The following FAM171B variants were observed in gnomAD, a reference collection of about 807,000 sequenced individuals.
The protein encoded by FAM171B is protein FAM171B.
A neutral mutation model predicts 75.6 loss-of-function variants in FAM171B; 19 were observed. The ratio of observed to expected loss-of-function variants is 0.25; its 90% CI spans 0.18 to 0.37. FAM171B has a LOEUF of 0.37. Among genes scored for constraint, FAM171B ranks in the 10% least tolerant of loss-of-function variants. The pLI is 1.00. For missense variants in FAM171B, 848 were observed against 982.4 expected, an observed-to-expected ratio of 0.86 and a Z score of 1.83; for synonymous variants, 367 against 361.7, an observed-to-expected ratio of 1.01 and a Z score of -0.17.
At chr2:186,738,021 G>T (rs1213306379) in intron 1 of FAM171B, among the ~76,000 whole-genome samples, 1 of 152,212 alleles carries the variant, frequency 6.6e-6, no homozygotes, top group Admixed American at 6.5e-5. Context: ...CGGCTTCTGT[G>T]TTGGGTGCTG....
chr2:186,749,780 T>C (rs1308649470), intron 4 of FAM171B, among the ~76,000 whole-genome samples: 1 of 152,172 alleles, frequency 6.6e-6, no homozygotes, highest in East Asian at 1.9e-4. Context: ...GCTTTGGACT[T>C]GTTTATTCTG....
chr2:186,735,588 C>T lies in FAM171B; in HGVS notation c.239-4640C>T, dbSNP rs375191835. The stretch of plus-strand genomic sequence containing the variant: ...TGAGGAAGGGCTATTATTATTTAAA[C>T]TATAAACTAAATGTCTCTCAATGCT... On this transcript the variant is annotated intron_variant, in intron 1 of 7. Transcript: ENST00000304698. Among the ~76,000 whole-genome samples the T allele has an allele frequency of 2.8e-3, 425 of 152,248 alleles. 1 individual carries two copies. The highest frequency in any genetic ancestry group is 9.8e-3 in the African/African-American group (409 of 41,532).
chr2:186,722,842 C>G (rs908863254), intron 1 of FAM171B, among the ~76,000 whole-genome samples: 2 of 152,096 alleles, frequency 1.3e-5, no homozygotes, highest in African/African-American at 4.8e-5. Context: ...CCCCATTTCC[C>G]CTGGCTTGGA....
chr2:186,753,161 T>C (rs1332053663), intron 5 of FAM171B, among the ~76,000 whole-genome samples: 1 of 152,182 alleles, frequency 6.6e-6, no homozygotes, highest in African/African-American at 2.4e-5. Flanking sequence ...ATTATTATTT[T>C]TTTTCAAGAC....
chr2:186,750,200 T>C (rs889158990), intron 4 of FAM171B, among the ~76,000 whole-genome samples: 2 of 152,228 alleles, frequency 1.3e-5, no homozygotes, highest in Admixed American at 6.5e-5. Context: ...TTAACATCTG[T>C]AATAGTTTTA....
chr2:186,751,026 T>C, intron 4 of FAM171B, 108 bp from the exon 5 acceptor site: 1 of 801,160 alleles, frequency 1.2e-6, no homozygotes, highest in South Asian at 2.6e-5. Flanking sequence ...GATATTAAAA[T>C]AGATAACCCT....
intron 6 of FAM171B, among the ~76,000 whole-genome samples, chr2:186,760,532 T>A (rs1690598915): frequency 6.6e-6 from 1 of 152,164 alleles, no homozygotes; most frequent in African/African-American, 2.4e-5. Flanking sequence ...TTTTACCAAT[T>A]TTTTTGTTAC....
chr2:186,723,381 T>A (rs1689983604), intron 1 of FAM171B, among the ~76,000 whole-genome samples: 1 of 152,240 alleles, frequency 6.6e-6, no homozygotes, highest in African/African-American at 2.4e-5. Context: ...AGAAATAGTC[T>A]GTGTGAAATA....
intron 6 of FAM171B, among the ~76,000 whole-genome samples, chr2:186,760,384 CT>C (rs969244038): frequency 7.2e-5 from 11 of 152,004 alleles, no homozygotes; most frequent in Non-Finnish European, 1.3e-4. Context: ...TTGGTAAATC[CT>C]TTTTTTGAAT....
intron 1 of FAM171B, among the ~76,000 whole-genome samples, chr2:186,719,925 A>T (rs1689927913): frequency 6.6e-6 from 1 of 152,278 alleles, no homozygotes; most frequent in South Asian, 2.1e-4. Context: ...ATAAGAAAAT[A>T]GTTAATAATA....
chr2:186,743,427 C>T (rs771319738), intron 2 of FAM171B, 56 bp from the exon 3 acceptor site: 267 of 1,221,624 alleles, frequency 2.2e-4, no homozygotes, highest in Non-Finnish European at 2.6e-4. Flanking sequence ...TATATTTGTC[C>T]TAGTTTTTTT....
intron 6 of FAM171B, among the ~76,000 whole-genome samples, chr2:186,757,564 A>G (rs892644269): frequency 6.6e-6 from 1 of 152,186 alleles, no homozygotes; most frequent in Non-Finnish European, 1.5e-5. Context: ...TTTAAATAGA[A>G]TTCTAGAATT....
chr2:186,708,285 A>G (rs1316259955), intron 1 of FAM171B, among the ~76,000 whole-genome samples: 2 of 152,206 alleles, frequency 1.3e-5, no homozygotes, highest in Non-Finnish European at 2.9e-5. Context: ...TGCAAATTTA[A>G]CACATCATAT....
intron 1 of FAM171B, among the ~76,000 whole-genome samples, chr2:186,697,925 T>C (rs1301662144): frequency 6.6e-6 from 1 of 152,204 alleles, no homozygotes; most frequent in East Asian, 1.9e-4. Context: ...AAAAGTACAT[T>C]TCCATTTTCT....
intron 4 of FAM171B, among the ~76,000 whole-genome samples, chr2:186,750,365 T>C (rs2105789510): frequency 6.6e-6 from 1 of 152,334 alleles, no homozygotes; most frequent in Non-Finnish European, 1.5e-5. Context: ...CTGTAAATTG[T>C]ATTAGTAAAT....
intron 1 of FAM171B, among the ~76,000 whole-genome samples, chr2:186,713,511 A>C (rs2105775823): frequency 6.6e-6 from 1 of 152,282 alleles, no homozygotes; most frequent in African/African-American, 2.4e-5. Flanking sequence ...AGAAGTACAA[A>C]CCTTTTATTT....
intron 2 of FAM171B, among the ~76,000 whole-genome samples, chr2:186,741,060 T>G (rs1690282152): frequency 6.6e-6 from 1 of 152,192 alleles, no homozygotes; most frequent in Non-Finnish European, 1.5e-5. Context: ...GAGTGAGTGA[T>G]ATTATGCTAT....
At chr2:186,750,707 G>A (rs1690440493) in intron 4 of FAM171B, among the ~76,000 whole-genome samples, 1 of 152,086 alleles carries the variant, frequency 6.6e-6, no homozygotes, top group African/African-American at 2.4e-5. Flanking sequence ...TAGATCTGTG[G>A]GTTCTAGCAC....
chr2:186,714,689 A>C (rs1482895559), intron 1 of FAM171B, among the ~76,000 whole-genome samples: 1 of 152,234 alleles, frequency 6.6e-6, no homozygotes, highest in Non-Finnish European at 1.5e-5. Flanking sequence ...AGTCACATTA[A>C]AATGATCTTT....
Sources: gnomAD v4.1 joint callset for allele counts (sites outside exome capture counted in the v4.1 genomes callset) on GRCh38, gnomAD v4.1.1 for gene constraint, MANE v1.5 for transcripts, NCBI Gene and HGNC (gene_info 2026-07-23, HGNC 2026-07-21) for gene names.